DDX10: variants seen among roughly 807,000 people sequenced by gnomAD.
DDX10 encodes the protein probable ATP-dependent RNA helicase DDX10.
In DDX10, 74 loss-of-function variants were observed where a neutral mutation model predicts 104.3. The observed-to-expected ratio is 0.71, with a 90% CI of 0.59 to 0.86. DDX10 has a LOEUF of 0.86. Ranked by LOEUF, DDX10 falls within the 40% of genes least tolerant of loss-of-function variation. The probability of loss-of-function intolerance (pLI) is 0.00; values close to 1 mark genes in which losing one functional copy is unlikely to be tolerated. For missense variants in DDX10, 952 were observed against 1,040.0 expected (o/e 0.92, Z 1.16); for synonymous variants, 351 against 353.4 (o/e 0.99, Z 0.08).
intron 13 of DDX10, among the ~76,000 whole-genome samples, chr11:108,832,205 T>C (rs1321899970): frequency 3.1e-5 from 1 of 32,730 alleles, no homozygotes; most frequent in Non-Finnish European, 8.8e-5. Context: ...TGTCCAAGAG[T>C]CATTTTTTTA....
chr11:108,825,618 C>G (rs921283109), intron 13 of DDX10, among the ~76,000 whole-genome samples: 1 of 152,188 alleles, frequency 6.6e-6, no homozygotes, highest in Non-Finnish European at 1.5e-5. Context: ...CATCCATTCT[C>G]ATTCATGTTC....
chr11:108,674,089 C>T (rs538260657), intron 2 of DDX10, among the ~76,000 whole-genome samples: 54 of 152,070 alleles, frequency 3.6e-4, no homozygotes, highest in Admixed American at 1.0e-3. Flanking sequence ...TTTGGGAGGC[C>T]GAGGTGGGTG....
intron 16 of DDX10, among the ~76,000 whole-genome samples, chr11:108,890,568 T>TA (rs558893673): frequency 0.011 from 1,554 of 137,550 alleles, 23 homozygotes; most frequent in African/African-American, 0.037. Context: ...AAATGCCACT[T>TA]AAAAAAAAAA....
At chr11:108,911,546 GCCT>G (rs1308976597) in intron 16 of DDX10, among the ~76,000 whole-genome samples, 2 of 139,406 alleles carry the variant, frequency 1.4e-5, no homozygotes, top group Non-Finnish European at 3.0e-5. Context: ...CAAAAGCTTT[GCCT>G]CCTCTTCTTT....
chr11:108,720,963 T>C (rs2094297647), intron 12 of DDX10, among the ~76,000 whole-genome samples: 1 of 151,592 alleles, frequency 6.6e-6, no homozygotes, highest in African/African-American at 2.4e-5. Flanking sequence ...GGGCTCTTAC[T>C]GTGGGAGTGG....
At chr11:108,771,924 G>A (rs1185266866) in intron 13 of DDX10, among the ~76,000 whole-genome samples, 2 of 152,196 alleles carry the variant, frequency 1.3e-5, no homozygotes, top group Non-Finnish European at 2.9e-5. Context: ...TCAAGTCTTT[G>A]CTGTGAGGGT....
intron 16 of DDX10, among the ~76,000 whole-genome samples, chr11:108,880,455 A>C (rs943527712): frequency 2.6e-5 from 4 of 152,316 alleles, no homozygotes; most frequent in African/African-American, 9.6e-5. Flanking sequence ...TATGTGTTGG[A>C]TATGTAAAAA....
At chr11:108,693,933 C>G (rs987156811) in intron 9 of DDX10, among the ~76,000 whole-genome samples, 3 of 152,138 alleles carry the variant, frequency 2.0e-5, no homozygotes, top group African/African-American at 7.2e-5. Context: ...GGTTATGTTC[C>G]AAGGTCCCAG....
At chr11:108,841,248 C>A in intron 14 of DDX10, 67 bp from the exon 15 acceptor site, 1 of 1,369,052 alleles carries the variant, frequency 7.3e-7, no homozygotes, top group Non-Finnish European at 1.0e-6. Flanking sequence ...AATCATCAGA[C>A]AAAATGAAGT....
chr11:108,775,379 TA>T (rs1023572258), intron 13 of DDX10, among the ~76,000 whole-genome samples: 4 of 151,524 alleles, frequency 2.6e-5, no homozygotes, highest in African/African-American at 7.3e-5. Context: ...GTGAATGTAT[TA>T]AAAAAAAATG....
intron 13 of DDX10, among the ~76,000 whole-genome samples, chr11:108,772,552 T>G (rs2094364607): frequency 2.0e-5 from 3 of 152,182 alleles, no homozygotes; most frequent in South Asian, 2.1e-4. Context: ...GTGGCTTTGT[T>G]AGCAACACTT....
At chr11:108,751,563 C>T (rs2094338734) in intron 13 of DDX10, among the ~76,000 whole-genome samples, 1 of 150,980 alleles carries the variant, frequency 6.6e-6, no homozygotes, top group Non-Finnish European at 1.5e-5. Flanking sequence ...TATGCATTTA[C>T]AACATTACTC....
At chr11:108,744,759 A>G (rs1591807344) in intron 13 of DDX10, among the ~76,000 whole-genome samples, 1 of 152,218 alleles carries the variant, frequency 6.6e-6, no homozygotes, top group East Asian at 1.9e-4. Context: ...ACAAGATAGC[A>G]GTGTAAGAAA....
chr11:108,760,587 T>A (rs2094349587), intron 13 of DDX10, among the ~76,000 whole-genome samples: 3 of 152,042 alleles, frequency 2.0e-5, no homozygotes, highest in African/African-American at 7.2e-5. Flanking sequence ...CCTTTAAATG[T>A]ATATGTAAAT....
chr11:108,668,647 T>C, intron 1 of DDX10, among the ~76,000 whole-genome samples: 1 of 152,192 alleles, frequency 6.6e-6, no homozygotes. Context: ...ACTGGTGAAC[T>C]ACTGAACAAT....
At chr11:108,920,418 C>G (rs1321260108) in intron 17 of DDX10, 1 of 152,178 alleles carries the variant, frequency 6.6e-6, no homozygotes, top group East Asian at 1.9e-4. Flanking sequence ...AGGAGGATAT[C>G]AACAAGGGCT....
intron 13 of DDX10, among the ~76,000 whole-genome samples, chr11:108,762,736 A>G (rs886472761): frequency 6.6e-6 from 1 of 152,122 alleles, no homozygotes; most frequent in Admixed American, 6.6e-5. Flanking sequence ...AAGTTTTTTC[A>G]TTTATGTAAA....
At chr11:108,927,877 C>CA (rs1247456265) in intron 17 of DDX10, among the ~76,000 whole-genome samples, 1 of 152,124 alleles carries the variant, frequency 6.6e-6, no homozygotes, top group Non-Finnish European at 1.5e-5. Flanking sequence ...TGACCTCAGG[C>CA]AACTGCCTGC....
At chr11:108,841,224 C>T (rs1221912888) in intron 14 of DDX10, 91 bp from the exon 15 acceptor site, 7 of 1,092,836 alleles carry the variant, frequency 6.4e-6, no homozygotes, top group Non-Finnish European at 6.7e-6. Flanking sequence ...AAATGGGTAT[C>T]TGCACCTTTT....
Sources: allele counts gnomAD v4.1 joint callset (sites outside exome capture counted in the v4.1 genomes callset), GRCh38; gene constraint gnomAD v4.1.1; transcripts MANE v1.5; gene names NCBI Gene and HGNC (gene_info 2026-07-23, HGNC 2026-07-21).